The following GDPD4 variants were observed in gnomAD, a reference collection of about 807,000 sequenced individuals.
GDPD4 encodes the protein glycerophosphodiester phosphodiesterase 6.
GDPD4 carries 60 observed loss-of-function variants against 67.8 expected under a neutral mutation model. That is an observed-to-expected ratio of 0.88 (90% confidence interval 0.72 to 1.10). GDPD4 has a LOEUF of 1.10. GDPD4 is among the 50% of genes least tolerant of loss of function. The pLI is 0.00. For missense variants in GDPD4, 623 were observed against 613.9 expected (o/e 1.01, Z -0.16); for synonymous variants, 212 against 210.9 (o/e 1.00, Z -0.04).
rs1960040003 is a variant in GDPD4 at position 77,287,372 on chromosome 11, C to T, written c.-205G>A. 1 of 152,184 alleles carries T rather than the reference C, an allele frequency of 6.6e-6. No individual in the cohort carries two copies. The highest frequency in any genetic ancestry group is 2.4e-5 in the African/African-American group (1 of 41,442). The allele number at this position is 152,184 out of a possible 1,614,324, so 9.4% of individuals were successfully genotyped here. The stretch of plus-strand genomic sequence containing the variant: ...CTTTTTTGGTTTTTCTGTCTTATTC[C>T]TCTTGTGCTCAATCCTGTTGACCTT... On this transcript the variant is annotated 5_prime_UTR_variant, in exon 2 of 17. Transcript: ENST00000315938.
At position 77,227,884 on chromosome 11, in the gene GDPD4, TCAAA is replaced by T. The variant is rs774497362; in HGVS notation, c.1501_1504del (p.Phe501LysfsTer21). 1.9e-6 allele frequency: 3 copies of T among 1,613,668 alleles called. No homozygotes were observed. Among genetic ancestry groups the T allele is most frequent in the South Asian group, 2.2e-5 (2 of 91,066 alleles). On this transcript the variant is annotated frameshift_variant, in exon 16 of 17. Coordinates refer to ENST00000315938, the MANE Select transcript of GDPD4 (RefSeq NM_182833.3). LOFTEE classifies it low-confidence loss of function (END_TRUNC). The stretch of plus-strand genomic sequence containing the variant: ...TTTACCTGTGCGAGTGCTGGAGGTT[TCAAA>T]CAATTTTTCTTTTTCAGTCTCTCTC...
intron 11 of GDPD4, among the ~76,000 whole-genome samples, chr11:77,248,051 CAAA>C (rs34252021): frequency 1.6e-5 from 1 of 62,710 alleles, no homozygotes; most frequent in Non-Finnish European, 2.7e-5. Flanking sequence ...AACTCCGTCT[CAAA>C]AAAAAAAAAA....
At chr11:77,293,911 G>A (rs770609308) in intron 1 of GDPD4, among the ~76,000 whole-genome samples, 2 of 152,086 alleles carry the variant, frequency 1.3e-5, no homozygotes, top group Non-Finnish European at 2.9e-5. Context: ...CCTAGCCAGT[G>A]CAATAAGGCT....
In GDPD4 at chr11:77,270,965, C is replaced by T. The variant is rs1959213943; in HGVS notation, c.400+165G>A. On this transcript the variant is annotated intron_variant, in intron 7 of 16. Coordinates refer to ENST00000315938, the MANE Select transcript of GDPD4 (RefSeq NM_182833.3). ...TATGACAGGCCATTGGCCACTATAA[C>T]AGGGTAGTGAGTGAAAGCACAGGAG... 1.7e-5 allele frequency: 10 copies of T among 585,328 alleles called. No individual in the cohort carries two copies. In the South Asian group the frequency reaches 2.0e-4, roughly 12 times the overall value. The allele number at this position is 585,328 out of a possible 1,614,324, so 36.3% of individuals were successfully genotyped here.
intron 4 of GDPD4, 27 bp from the exon 5 acceptor site, chr11:77,276,247 G>T: frequency 6.2e-7 from 1 of 1,602,376 alleles, no homozygotes; most frequent in Non-Finnish European, 8.6e-7. Context: ...GAAAAAGAGA[G>T]TTATTTTGAA....
chr11:77,289,972 T>A (rs1365377439), intron 1 of GDPD4, among the ~76,000 whole-genome samples: 2 of 152,108 alleles, frequency 1.3e-5, no homozygotes, highest in African/African-American at 4.8e-5. Flanking sequence ...GGGAAAAGCA[T>A]CGAAAACCAA....
chr11:77,241,869 G>T (rs528178079), intron 13 of GDPD4, among the ~76,000 whole-genome samples: 5 of 152,058 alleles, frequency 3.3e-5, no homozygotes, highest in African/African-American at 9.7e-5. Context: ...AGAGGCGGAG[G>T]TTGCAGCGAG....
At chr11:77,223,514 C>T (rs981899794) in intron 16 of GDPD4, among the ~76,000 whole-genome samples, 1 of 152,182 alleles carries the variant, frequency 6.6e-6, no homozygotes, top group Non-Finnish European at 1.5e-5. Flanking sequence ...TGGGTATCAC[C>T]AGCAGAGGCT....
chr11:77,224,048 A>C (rs978174042), intron 16 of GDPD4, among the ~76,000 whole-genome samples: 4 of 152,204 alleles, frequency 2.6e-5, no homozygotes, highest in Admixed American at 6.5e-5. Flanking sequence ...GACCGTTGGA[A>C]AAGTGCAGTA....
At chr11:77,284,733 T>C (rs1309441893) in intron 3 of GDPD4, among the ~76,000 whole-genome samples, 1 of 152,078 alleles carries the variant, frequency 6.6e-6, no homozygotes, top group African/African-American at 2.4e-5. Flanking sequence ...ATAGAGATCA[T>C]GAAGACCAAC....
chr11:77,248,423 G>A (rs894427103), intron 11 of GDPD4, among the ~76,000 whole-genome samples: 3 of 151,820 alleles, frequency 2.0e-5, no homozygotes, highest in Admixed American at 6.6e-5. Flanking sequence ...GGCTGATCTC[G>A]AACTCCTGAC....
chr11:77,231,842 G>C (rs1958461336), intron 14 of GDPD4, among the ~76,000 whole-genome samples: 1 of 152,172 alleles, frequency 6.6e-6, no homozygotes, highest in South Asian at 2.1e-4. Flanking sequence ...TGGGTGGAAA[G>C]GCTCCACCTG....
intron 1 of GDPD4, among the ~76,000 whole-genome samples, chr11:77,289,355 T>C (rs1373102054): frequency 7.8e-6 from 1 of 128,696 alleles, no homozygotes; most frequent in Non-Finnish European, 1.7e-5. Context: ...AGAGCAATAC[T>C]CCATCTCAAA....
intron 1 of GDPD4, among the ~76,000 whole-genome samples, chr11:77,297,722 A>G (rs1938024232): frequency 6.6e-6 from 1 of 152,154 alleles, no homozygotes; most frequent in African/African-American, 2.4e-5. Context: ...TATTGAGTGA[A>G]TCAATAGACG....
intron 4 of GDPD4, among the ~76,000 whole-genome samples, chr11:77,276,531 T>C (rs1428785904): frequency 6.6e-6 from 1 of 152,192 alleles, no homozygotes; most frequent in African/African-American, 2.4e-5. Flanking sequence ...TGATACTCAG[T>C]TGAGTTCCTG....
At chr11:77,231,259 G>C (rs980282212) in intron 14 of GDPD4, among the ~76,000 whole-genome samples, 3 of 152,172 alleles carry the variant, frequency 2.0e-5, no homozygotes, top group Non-Finnish European at 4.4e-5. Context: ...GACCAGACCA[G>C]ATTATGTTGG....
rs1356328836 is a variant in GDPD4 at position 77,271,030 on chromosome 11, TA to T, written c.400+99del. 12 of 773,598 alleles carry T rather than the reference TA, an allele frequency of 1.6e-5. No individual in the cohort carries two copies. The African/African-American group carries it at 1.9e-4, about 12-fold the overall frequency. The allele number at this position is 773,598 out of a possible 1,614,324, so 47.9% of individuals were successfully genotyped here. On this transcript the variant is annotated intron_variant, in intron 7 of 16. Coordinates refer to ENST00000315938, the MANE Select transcript of GDPD4 (RefSeq NM_182833.3). ...AAGCTAAATGAATTTCAACGAGGCA[TA>T]GGGGTGGCTAGTTCCCAAGCTTCTG...
chr11:77,217,286 T>C lies in GDPD4; in HGVS notation c.1554A>G (p.Glu518=), dbSNP rs543865205. 8 of 1,608,082 alleles carry C rather than the reference T, an allele frequency of 5.0e-6. No homozygotes were observed. The East Asian group carries it at 1.3e-4, about 27-fold the overall frequency. Residue 518 remains glutamate (E), a synonymous_variant, in exon 17 of 17, where the codon GAA becomes GAG. Coordinates refer to ENST00000315938, the MANE Select transcript of GDPD4 (RefSeq NM_182833.3). ...GTGCAAATCTATCTATCTATCTATC[T>C]TCCTCATTCTTACTTCCACTCTGAG... ...TDTQSGSKNE[E]DR
chr11:77,285,147 G>A lies in GDPD4; in HGVS notation c.-10C>T. 6.2e-7 allele frequency: 1 copy of A among 1,608,002 alleles called. No individual in the cohort carries two copies. Among genetic ancestry groups the A allele is most frequent in the Non-Finnish European group, 8.5e-7 (1 of 1,175,150 alleles). On this transcript the variant is annotated 5_prime_UTR_variant, in exon 3 of 17. Coordinates refer to ENST00000315938, the MANE Select transcript of GDPD4 (RefSeq NM_182833.3). ...ACAGGAACAGCAACATCAGAGACAA[G>A]ACAAATGAAATTACCAGGCACGGCA... is the stretch of plus-strand genomic sequence containing the variant.
Sources: allele counts gnomAD v4.1 joint callset (sites outside exome capture counted in the v4.1 genomes callset), GRCh38; gene constraint gnomAD v4.1.1; transcripts MANE v1.5; gene names NCBI Gene and HGNC (gene_info 2026-07-23, HGNC 2026-07-21).